PDE1A: variants seen among roughly 807,000 people sequenced by gnomAD.
PDE1A encodes the protein dual specificity calcium/calmodulin-dependent 3',5'-cyclic nucleotide phosphodiesterase 1A.
PDE1A carries 35 observed loss-of-function variants against 61.7 expected under a neutral mutation model. That is an observed-to-expected ratio of 0.57 (90% confidence interval 0.43 to 0.75). PDE1A has a LOEUF of 0.75. Ranked by LOEUF, PDE1A falls within the 30% of genes least tolerant of loss-of-function variation. The probability of loss-of-function intolerance (pLI) is 0.00; values close to 1 mark genes in which losing one functional copy is unlikely to be tolerated. For missense variants in PDE1A, 597 were observed against 630.6 expected, an observed-to-expected ratio of 0.95 and a Z score of 0.57; for synonymous variants, 232 against 213.2, an observed-to-expected ratio of 1.09 and a Z score of -0.77.
At chr2:182,552,077 C>T in the PDE1A span, among the ~76,000 whole-genome samples, 1 of 152,188 alleles carries the variant, frequency 6.6e-6, no homozygotes, top group Middle Eastern at 3.4e-3. Context: ...TCTTTGAAAC[C>T]TTTAAAAAAT....
chr2:182,155,017 T>C (rs1690992991), intron 13 of PDE1A, among the ~76,000 whole-genome samples: 1 of 151,608 alleles, frequency 6.6e-6, no homozygotes, highest in Admixed American at 6.6e-5. Flanking sequence ...CTATAATTTT[T>C]CATTGTTCTC....
chr2:182,413,010 G>GACC (rs1209687282), intron 1 of PDE1A, among the ~76,000 whole-genome samples: 1 of 152,190 alleles, frequency 6.6e-6, no homozygotes, highest in Non-Finnish European at 1.5e-5. Flanking sequence ...CGAGGACAGA[G>GACC]ACCAGTTCAG....
At chr2:182,489,905 A>G (rs1215273564) in intron 2 of PDE1A, among the ~76,000 whole-genome samples, 1 of 152,222 alleles carries the variant, frequency 6.6e-6, no homozygotes, top group Non-Finnish European at 1.5e-5. Context: ...ATGATGCTGG[A>G]TGTTATCACA....
In PDE1A at chr2:182,449,432, T is replaced by A. The variant is rs902535535; in HGVS notation, c.101+72844A>T. Among the ~76,000 whole-genome samples the A allele has an allele frequency of 3.9e-5, 6 of 151,920 alleles. No individual in the cohort carries two copies. In the East Asian group the frequency reaches 1.2e-3, roughly 30 times the overall value. ...GGAAAAATTCATTCTGTATCATGAA[T>A]AGTGAAAAAAATGAGCAGAGGCTAT... On this transcript the variant is annotated intron_variant, in intron 2 of 14. Coordinates refer to the PDE1A transcript ENST00000410103.
the PDE1A span, among the ~76,000 whole-genome samples, chr2:182,555,196 G>A: frequency 7.8e-4 from 119 of 152,274 alleles, no homozygotes; most frequent in African/African-American, 2.6e-3. Flanking sequence ...ACAATAAACA[G>A]AATCTTAACC....
At chr2:182,699,273 T>G in the PDE1A span, among the ~76,000 whole-genome samples, 1 of 152,198 alleles carries the variant, frequency 6.6e-6, no homozygotes, top group African/African-American at 2.4e-5. Flanking sequence ...AGCAAGTCAT[T>G]CTATTGCTTT....
At chr2:182,671,714 G>C in the PDE1A span, among the ~76,000 whole-genome samples, 1 of 147,730 alleles carries the variant, frequency 6.8e-6, no homozygotes, top group African/African-American at 2.5e-5. Flanking sequence ...ACACCTCCCA[G>C]GTTCACACCA....
At chr2:182,341,022 T>C (rs553527133) in intron 1 of PDE1A, among the ~76,000 whole-genome samples, 5 of 152,376 alleles carry the variant, frequency 3.3e-5, no homozygotes, top group African/African-American at 7.2e-5. Context: ...TTTTCTAACA[T>C]GCTCTGGCAT....
At chr2:182,225,548 C>T (rs1208482633) in intron 6 of PDE1A, among the ~76,000 whole-genome samples, 1 of 151,842 alleles carries the variant, frequency 6.6e-6, no homozygotes, top group East Asian at 1.9e-4. Context: ...TGGTAAGAGA[C>T]CATGGAATCA....
At chr2:182,286,039 A>G (rs540842220) in intron 1 of PDE1A, among the ~76,000 whole-genome samples, 1 of 152,294 alleles carries the variant, frequency 6.6e-6, no homozygotes, top group African/African-American at 2.4e-5. Context: ...TGTAGAGAAA[A>G]TTAAATGAAG....
At chr2:182,224,319 G>A (rs1378677151) in intron 6 of PDE1A, among the ~76,000 whole-genome samples, 1 of 151,782 alleles carries the variant, frequency 6.6e-6, no homozygotes, top group Non-Finnish European at 1.5e-5. Flanking sequence ...TTATCATACA[G>A]CTCATACATT....
At chr2:182,183,339 A>G (rs1047093985) in intron 13 of PDE1A, among the ~76,000 whole-genome samples, 14 of 152,194 alleles carry the variant, frequency 9.2e-5, no homozygotes, top group African/African-American at 3.4e-4. Flanking sequence ...ATTCTTAAAA[A>G]ATTGTTGGAC....
intron 1 of PDE1A, among the ~76,000 whole-genome samples, chr2:182,286,797 T>C (rs1020102123): frequency 6.6e-6 from 1 of 152,134 alleles, no homozygotes; most frequent in Non-Finnish European, 1.5e-5. Context: ...AAAGGCAATC[T>C]GACTGTATGC....
chr2:182,635,452 CA>C, the PDE1A span, among the ~76,000 whole-genome samples: 1 of 151,996 alleles, frequency 6.6e-6, no homozygotes, highest in African/African-American at 2.4e-5. Flanking sequence ...AGAAATCTTT[CA>C]AAATTAGTAC....
intron 2 of PDE1A, among the ~76,000 whole-genome samples, chr2:182,489,543 C>A (rs1165887479): frequency 6.6e-6 from 1 of 152,084 alleles, no homozygotes; most frequent in Admixed American, 6.5e-5. Context: ...AGGGAGGTTG[C>A]ACTGGATGTG....
chr2:182,698,531 C>T, the PDE1A span, among the ~76,000 whole-genome samples: 13 of 152,044 alleles, frequency 8.6e-5, no homozygotes, highest in South Asian at 2.5e-3. Flanking sequence ...ATTAAACATG[C>T]TTATAAAGAT....
chr2:182,438,713 G>A (rs931492934), intron 2 of PDE1A, among the ~76,000 whole-genome samples: 44 of 151,952 alleles, frequency 2.9e-4, no homozygotes, highest in African/African-American at 9.9e-4. Flanking sequence ...GTAAAAATAT[G>A]AGGAGAAATT....
the PDE1A span, among the ~76,000 whole-genome samples, chr2:182,605,352 T>G: frequency 6.6e-6 from 1 of 152,124 alleles, no homozygotes; most frequent in Non-Finnish European, 1.5e-5. Context: ...ATATGAGATG[T>G]AAACAGAAGT....
At chr2:182,154,617 C>G (rs182936865) in intron 13 of PDE1A, among the ~76,000 whole-genome samples, 1 of 152,248 alleles carries the variant, frequency 6.6e-6, no homozygotes, top group Non-Finnish European at 1.5e-5. Context: ...CTGCTTCTTG[C>G]CTCTCTTGCC....
Sources: allele counts gnomAD v4.1 joint callset (sites outside exome capture counted in the v4.1 genomes callset), GRCh38; gene constraint gnomAD v4.1.1; transcripts MANE v1.5; gene names NCBI Gene and HGNC (gene_info 2026-07-23, HGNC 2026-07-21).